The following ZNF226 variants were observed in gnomAD, a reference collection of about 807,000 sequenced individuals.
ZNF226 encodes zinc finger protein 226, also known as Kruppel-associated box protein.
Under a neutral mutation model 11.4 loss-of-function variants are expected in ZNF226, and 6 were observed. The ratio of observed to expected loss-of-function variants is 0.53; its 90% CI spans 0.29 to 1.04. The LOEUF is 1.04. Among genes scored for constraint, ZNF226 ranks in the 50% least tolerant of loss-of-function variants. The probability of loss-of-function intolerance (pLI) is 0.08; values close to 1 mark genes in which losing one functional copy is unlikely to be tolerated. For missense variants in ZNF226, 1,058 were observed against 956.5 expected (o/e 1.11, Z -1.40); for synonymous variants, 350 against 322.8 (o/e 1.08, Z -0.90).
In ZNF226 at chr19:44,176,923, G is replaced by C; in HGVS notation, c.1661G>C (p.Ser554Thr). The stretch of plus-strand genomic sequence containing the variant: ...CTTCAAATCCATCAGAAGGCCCACA[G>C]TATAGAGAAACCTTTTAAGTGTGAG... Reference protein sequence around the residue: ...SYLQIHQKAHSIEKPFKCEEC... With the variant: ...SYLQIHQKAHTIEKPFKCEEC... The change falls in exon 6 of 6, where the codon AGT becomes ACT. Residue 554 changes from serine to threonine, a missense_variant. Transcript: ENST00000337433. The C allele has an allele frequency of 6.2e-7, 1 of 1,613,690 alleles. No homozygotes were observed. The highest frequency in any genetic ancestry group is 8.5e-7 in the Non-Finnish European group (1 of 1,179,884).
the ZNF226 span, among the ~76,000 whole-genome samples, chr19:44,192,840 C>T: frequency 6.6e-6 from 1 of 152,050 alleles, no homozygotes; most frequent in East Asian, 1.9e-4. Context: ...ATAAATACAT[C>T]AAGAAAACCT....
Position 44,176,346 on chromosome 19 carries a change from C to T in ZNF226, c.1084C>T (p.Pro362Ser). The change falls in exon 6 of 6, where the codon CCT becomes TCT. Residue 362 changes from proline (P) to serine (S), a missense_variant. By Grantham distance (74) the Pro-to-Ser change is moderately conservative. Transcript: ENST00000337433. ...VHCKVHTAEK[P>S]YNCEECGRAF... ...TTGCAAGGTCCACACGGCAGAGAAACCTTATAATTGTGAGGAGTGTGGGAG... is the reference window on the plus strand; with the variant it reads ...TTGCAAGGTCCACACGGCAGAGAAATCTTATAATTGTGAGGAGTGTGGGAG... 1.2e-6 allele frequency: 2 copies of T among 1,614,174 alleles called. No individual in the cohort carries two copies. Among genetic ancestry groups the T allele is most frequent in the Non-Finnish European group, 1.7e-6 (2 of 1,180,034 alleles).
chr19:44,175,331 A>G, intron 5 of ZNF226, 167 bp from the exon 6 acceptor site: 1 of 1,412,282 alleles, frequency 7.1e-7, no homozygotes, highest in South Asian at 1.7e-5. Context: ...GTTTTGGACC[A>G]TCTCTTGGTT....
intron 4 of ZNF226, 161 bp from the exon 5 acceptor site, chr19:44,172,699 G>C (rs1227815676): frequency 1.6e-6 from 1 of 623,118 alleles, no homozygotes; most frequent in East Asian, 2.8e-5. Flanking sequence ...TGTGTGTCTG[G>C]GTCATGAAAT....
rs1379095650 is a variant in ZNF226 at position 44,172,894 on chromosome 19, A to G, written c.177A>G (p.Ile59Met). Residue 59 changes from isoleucine to methionine, a missense_variant, in exon 5 of 6, where the codon ATA becomes ATG. Ile to Met is a conservative substitution (Grantham distance 10). Coordinates refer to ENST00000337433, the MANE Select transcript of ZNF226 (RefSeq NM_001032373.2). Reference protein sequence around the residue: ...HPPFKQDVSPIERNEQLWIMT... With the variant: ...HPPFKQDVSPMERNEQLWIMT... Reference sequence around the variant, plus strand: ...CCTTCAAACAAGATGTATCACCTATAGAAAGAAATGAGCAGCTTTGGATAA... The same window carrying G: ...CCTTCAAACAAGATGTATCACCTATGGAAAGAAATGAGCAGCTTTGGATAA... 1 of 1,606,418 alleles carries G rather than the reference A, an allele frequency of 6.2e-7. No individual in the cohort carries two copies. Among genetic ancestry groups the G allele is most frequent in the Non-Finnish European group, 8.5e-7 (1 of 1,176,400 alleles).
At chr19:44,177,711 G>C, downstream of ZNF226, 1 of 1,530,766 alleles carries the variant, frequency 6.5e-7, no homozygotes, top group Non-Finnish European at 8.7e-7. Flanking sequence ...AATTCTTCCA[G>C]TTATCAAGTC....
chr19:44,192,507 AC>A, the ZNF226 span, among the ~76,000 whole-genome samples: 556 of 152,036 alleles, frequency 3.7e-3, 1 homozygote, highest in African/African-American at 0.013. Flanking sequence ...TGTAAAAAAA[AC>A]AAACCTTAAT....
At chr19:44,187,670 T>A in the ZNF226 span, among the ~76,000 whole-genome samples, 1 of 152,068 alleles carries the variant, frequency 6.6e-6, no homozygotes, top group Non-Finnish European at 1.5e-5. This position sits in a 1 kb window ranked among gnomAD's most constrained non-coding sequence, Gnocchi z 4.0. Flanking sequence ...CGCTGACTTT[T>A]GGTTTGCTTG....
rs34967576 is a variant in ZNF226 at position 44,168,998 on chromosome 19, C to CTTTTTTTTTTTTTT, written c.-46-1022_-46-1009dup. Among the ~76,000 whole-genome samples, 4 of 90,818 alleles carry CTTTTTTTTTTTTTT rather than the reference C, an allele frequency of 4.4e-5. 1 individual carries two copies. The highest frequency in any genetic ancestry group is 2.4e-4 in the African/African-American group (4 of 16,794). The allele number at this position is 90,818 out of a possible 152,430, so 59.6% of individuals were successfully genotyped here. On this transcript the variant is annotated intron_variant, in intron 2 of 5. Transcript: ENST00000337433. Reference sequence around the variant, plus strand: ...TATAGACTCAGGTTCCTCCCTTTTCCTTTTTTTTTTTTTTTTTTTTTTTTT... The same window carrying CTTTTTTTTTTTTTT: ...TATAGACTCAGGTTCCTCCCTTTTCCTTTTTTTTTTTTTTTTTTTTTTTTTTTTTTTTTTTTTTT...
Position 44,176,135 on chromosome 19 carries a change from C to A in ZNF226, c.873C>A (p.Tyr291Ter). ...TCVERGKGFCYSPVLPVHQKV... is the reference protein window; with the variant it reads ...TCVERGKGFC ...TTGAGCGTGGAAAAGGCTTCTGTTACAGCCCAGTTCTTCCTGTTCATCAGA... is the reference window on the plus strand; with the variant it reads ...TTGAGCGTGGAAAAGGCTTCTGTTAAAGCCCAGTTCTTCCTGTTCATCAGA... The change falls in exon 6 of 6, where the codon TAC (tyrosine) becomes TAA (stop). Residue 291 changes from tyrosine (Y) to a stop codon, truncating the protein, a stop_gained. Transcript: ENST00000337433. LOFTEE classifies it low-confidence loss of function (END_TRUNC). 1 of 1,614,180 alleles carries A rather than the reference C, an allele frequency of 6.2e-7. No individual in the cohort carries two copies. The highest frequency in any genetic ancestry group is 1.1e-5 in the South Asian group (1 of 91,090).
Position 44,175,804 on chromosome 19 carries a change from C to A in ZNF226, c.542C>A (p.Ser181Ter). 6.2e-7 allele frequency: 1 copy of A among 1,613,672 alleles called. No homozygotes were observed. The highest frequency in any genetic ancestry group is 1.1e-5 in the South Asian group (1 of 90,998). The change falls in exon 6 of 6, where the codon TCA (serine) becomes TAA (stop). Residue 181 changes from serine (S) to a stop codon, truncating the protein, a stop_gained. Coordinates refer to ENST00000337433, the MANE Select transcript of ZNF226 (RefSeq NM_001032373.2). LOFTEE classifies it low-confidence loss of function (END_TRUNC). The part of the protein sequence containing the change: ...DSWRKTFLTE[S>*]QRLNRDQQIS... The stretch of plus-strand genomic sequence containing the variant: ...TGGAGGAAAACATTCCTGACTGAGT[C>A]ACAGAGATTGAACAGAGATCAGCAA...
rs1445269986 is a variant in ZNF226 at position 44,176,125 on chromosome 19, GCTT to G, written c.866_868del (p.Phe289del). The G allele has an allele frequency of 6.2e-7, 1 of 1,614,048 alleles. No individual in the cohort carries two copies. The highest frequency in any genetic ancestry group is 1.3e-5 in the African/African-American group (1 of 74,908). On this transcript the variant is annotated inframe_deletion, in exon 6 of 6. Transcript: ENST00000337433. Reference sequence around the variant, plus strand: ...CTTACATGTGTTGAGCGTGGAAAAGGCTTCTGTTACAGCCCAGTTCTTCCTGTT... The same window carrying G: ...CTTACATGTGTTGAGCGTGGAAAAGGCTGTTACAGCCCAGTTCTTCCTGTT...
At chr19:44,179,920 T>TA (rs377114866), downstream of ZNF226, among the ~76,000 whole-genome samples, 3,256 of 149,960 alleles carry the variant, frequency 0.022, 60 homozygotes, top group Non-Finnish European at 0.035. Context: ...CCATCACTAT[T>TA]AAAAAAAAAT....
chr19:44,193,923 A>AT, the ZNF226 span, among the ~76,000 whole-genome samples: 1 of 152,374 alleles, frequency 6.6e-6, no homozygotes, highest in Admixed American at 6.5e-5. Context: ...AGGGCTTGGC[A>AT]TTCTTTAGAA....
In ZNF226 at chr19:44,176,031, T is replaced by C; in HGVS notation, c.769T>C (p.Cys257Arg). The change falls in exon 6 of 6, where the codon TGT (cysteine) becomes CGT (arginine). Residue 257 changes from cysteine (C) to arginine (R), a missense_variant. Physicochemically the swap from Cys to Arg is radical, Grantham distance 180. Coordinates refer to ENST00000337433, the MANE Select transcript of ZNF226 (RefSeq NM_001032373.2). Reference sequence around the variant, plus strand: ...ACAGAAATCGTACCAGTGTAATGAGTGTAAAAAACCCTTCAGTGATCTCTC... The same window carrying C: ...ACAGAAATCGTACCAGTGTAATGAGCGTAAAAAACCCTTCAGTGATCTCTC... ...TGQKSYQCNE[C>R]KKPFSDLSSF... The C allele has an allele frequency of 6.2e-7, 1 of 1,613,834 alleles. No homozygotes were observed. Among genetic ancestry groups the C allele is most frequent in the Non-Finnish European group, 8.5e-7 (1 of 1,179,874 alleles).
At chr19:44,177,753 T>C (rs185386107), downstream of ZNF226, 205 of 1,434,884 alleles carry the variant, frequency 1.4e-4, no homozygotes, top group African/African-American at 1.8e-3. Context: ...TAGCTCCTCA[T>C]GTCCCAGTGG....
Position 44,176,208 on chromosome 19 carries a change from TTCAG to T in ZNF226, c.951_954del (p.Ser317ArgfsTer13), listed in dbSNP as rs1277727608. On this transcript the variant is annotated frameshift_variant, in exon 6 of 6. Coordinates refer to ENST00000337433, the MANE Select transcript of ZNF226 (RefSeq NM_001032373.2). LOFTEE classifies it low-confidence loss of function (END_TRUNC). ...TAAGTGTGATGAGTGTGGTAAGGAATTCAGTCAGGGCGCTCATCTACAGACCCAT... is the reference window on the plus strand; with the variant it reads ...TAAGTGTGATGAGTGTGGTAAGGAATTCAGGGCGCTCATCTACAGACCCAT... 16 of 1,614,020 alleles carry T rather than the reference TTCAG, an allele frequency of 9.9e-6. No homozygotes were observed. The highest frequency in any genetic ancestry group is 1.3e-5 in the Non-Finnish European group (15 of 1,180,022).
At chr19:44,172,027 G>T (rs1970156281) in intron 3 of ZNF226, 61 bp from the exon 4 acceptor site, 2 of 1,588,460 alleles carry the variant, frequency 1.3e-6, no homozygotes, top group African/African-American at 1.3e-5. Context: ...CCTGTTCTCA[G>T]TGTTACCCAT....
chr19:44,185,110 A>G, the ZNF226 span, among the ~76,000 whole-genome samples: 1 of 152,206 alleles, frequency 6.6e-6, no homozygotes, highest in East Asian at 1.9e-4. Context: ...CTTCTTTTTA[A>G]AGGCTGCATA....
Sources: allele counts gnomAD v4.1 joint callset (sites outside exome capture counted in the v4.1 genomes callset), GRCh38; gene constraint gnomAD v4.1.1; non-coding constraint Gnocchi (gnomAD v3.1); transcripts MANE v1.5; gene names NCBI Gene and HGNC (gene_info 2026-07-23, HGNC 2026-07-21).